The following ATXN7 variants were observed in gnomAD, a reference collection of about 807,000 sequenced individuals.
The protein encoded by ATXN7 is ataxin 7.
ATXN7 carries 12 observed loss-of-function variants against 70.5 expected under a neutral mutation model. The observed-to-expected ratio is 0.17, with a 90% CI of 0.11 to 0.28. ATXN7 has a LOEUF of 0.28. Ranked by LOEUF, ATXN7 falls within the 10% of genes least tolerant of loss-of-function variation. ATXN7 has a pLI of 1.00. For synonymous variants in ATXN7, 498 were observed against 448.7 expected (o/e 1.11, Z -1.39); for missense variants, 1,256 against 1,131.7 (o/e 1.11, Z -1.58).
At chr3:63,997,552 A>G (rs906042707) in intron 12 of ATXN7, 1 of 1,333,918 alleles carries the variant, frequency 7.5e-7, no homozygotes, top group Admixed American at 2.0e-5. Context: ...CCTCACCTGT[A>G]GCTGTTTCTT....
At chr3:63,963,534 A>G (rs1043747686) in intron 5 of ATXN7, among the ~76,000 whole-genome samples, 3 of 152,150 alleles carry the variant, frequency 2.0e-5, no homozygotes, top group Admixed American at 6.5e-5. Flanking sequence ...TCATGCTTCT[A>G]ACTCTATCCA....
chr3:63,945,594 T>C (rs1270479758), intron 4 of ATXN7, among the ~76,000 whole-genome samples: 1 of 152,222 alleles, frequency 6.6e-6, no homozygotes, highest in Non-Finnish European at 1.5e-5. Flanking sequence ...TTTCAATTAT[T>C]ATTCATCAAG....
At chr3:63,943,074 G>T (rs1022825327) in intron 4 of ATXN7, among the ~76,000 whole-genome samples, 2 of 152,214 alleles carry the variant, frequency 1.3e-5, no homozygotes, top group African/African-American at 4.8e-5. Flanking sequence ...ATAACTGAGT[G>T]ACAAGAGAGA....
chr3:63,961,267 T>A (rs914759670), intron 5 of ATXN7, among the ~76,000 whole-genome samples: 1 of 152,238 alleles, frequency 6.6e-6, no homozygotes, highest in Non-Finnish European at 1.5e-5. Flanking sequence ...TTCATGTTAA[T>A]ACATATTGTT....
At chr3:63,931,070 G>T (rs1704935019) in intron 4 of ATXN7, among the ~76,000 whole-genome samples, 1 of 152,088 alleles carries the variant, frequency 6.6e-6, no homozygotes, top group South Asian at 2.1e-4. Flanking sequence ...GACCCTTAAC[G>T]CTGGAGTTAA....
rs2075816260 is a variant in ATXN7 at position 63,999,891 on chromosome 3, A to G, written c.*424A>G. Reference sequence around the variant, plus strand: ...TTCCTTTTACTACCATTTTTTTTTAACACTGTCATCTGTAGGTCACTCTCC... The same window carrying G: ...TTCCTTTTACTACCATTTTTTTTTAGCACTGTCATCTGTAGGTCACTCTCC... On this transcript the variant is annotated 3_prime_UTR_variant, in exon 13 of 13. Coordinates refer to ENST00000674280, the MANE Select transcript of ATXN7 (RefSeq NM_001377405.1). 8.1e-6 allele frequency: 2 copies of G among 246,852 alleles called. No homozygotes were observed. Among genetic ancestry groups the G allele is most frequent in the Non-Finnish European group, 1.6e-5 (2 of 124,780 alleles). 15.3% of individuals were successfully genotyped at this position (246,852 alleles called of 1,614,324 possible). A position where few individuals can be genotyped will look rare whatever the true frequency, so the allele number is the denominator to read the frequency against.
In ATXN7 at chr3:63,913,109, G is replaced by C. The variant is rs551514094; in HGVS notation, c.326-48G>C. On this transcript the variant is annotated intron_variant, in intron 3 of 12. Transcript: ENST00000674280. ...GTGCGTGAGTGTGCGTCACACTCCT[G>C]GCCACTGACCTGCCTCTCCCCTCCT... 6.8e-5 allele frequency: 108 copies of C among 1,587,286 alleles called. No homozygotes were observed. The Admixed American group carries it at 1.3e-3, about 19-fold the overall frequency.
intron 9 of ATXN7, 100 bp from the exon 10 acceptor site, chr3:63,990,076 G>C: frequency 8.7e-7 from 1 of 1,151,124 alleles, no homozygotes; most frequent in Non-Finnish European, 1.2e-6. Context: ...TGGAACCCAG[G>C]CCTCTGCTAG....
intron 4 of ATXN7, among the ~76,000 whole-genome samples, chr3:63,914,857 T>C (rs1207135964): frequency 6.6e-6 from 1 of 152,224 alleles, no homozygotes; most frequent in African/African-American, 2.4e-5. Context: ...ATGTTTTTCA[T>C]GAAGAACTAA....
intron 4 of ATXN7, among the ~76,000 whole-genome samples, chr3:63,943,906 TCCTTA>T (rs1268387577): frequency 1.2e-4 from 18 of 152,196 alleles, no homozygotes; most frequent in African/African-American, 4.3e-4. Flanking sequence ...GGAGCTGCCT[TCCTTA>T]CCTAGGTCAA....
chr3:63,941,645 A>G (rs1288987093), intron 4 of ATXN7, among the ~76,000 whole-genome samples: 2 of 151,786 alleles, frequency 1.3e-5, no homozygotes, highest in Non-Finnish European at 2.9e-5. Context: ...CTTTAAATCT[A>G]GTATTTATTG....
chr3:63,998,041 C>T (rs749475890), intron 12 of ATXN7: 31 of 985,144 alleles, frequency 3.1e-5, no homozygotes, highest in Non-Finnish European at 3.5e-5. Flanking sequence ...CATGGTGTGC[C>T]GATTCTTCAA....
intron 3 of ATXN7, 23 bp downstream of exon 3, chr3:63,912,946 C>T (rs754714055): frequency 2.5e-6 from 4 of 1,588,464 alleles, no homozygotes; most frequent in Non-Finnish European, 2.6e-6. Context: ...GCCCTCCTCC[C>T]CCCTTCACCC....
At chr3:63,873,013 GAGGA>G (rs1466265471) in intron 1 of ATXN7, among the ~76,000 whole-genome samples, 22 of 152,200 alleles carry the variant, frequency 1.4e-4, no homozygotes, top group Admixed American at 1.2e-3. Flanking sequence ...GGGAGGGAGA[GAGGA>G]AGGGTGGGAA....
chr3:63,965,139 AGTTTTTCTGTT>A (rs1178994126), intron 5 of ATXN7, among the ~76,000 whole-genome samples: 1 of 152,158 alleles, frequency 6.6e-6, no homozygotes, highest in Admixed American at 6.5e-5. Context: ...TAGAAACCTC[AGTTTTTCTGTT>A]TCTGTTTAAC....
chr3:63,887,183 A>G (rs1024369182), intron 1 of ATXN7, among the ~76,000 whole-genome samples: 3 of 152,196 alleles, frequency 2.0e-5, no homozygotes, highest in Non-Finnish European at 4.4e-5. Flanking sequence ...GATACAGGGA[A>G]TCAGGGGGCA....
Position 63,872,398 on chromosome 3 carries a change from C to T in ATXN7, c.-111+8240C>T, listed in dbSNP as rs1346454211. Among the ~76,000 whole-genome samples, 3 of 152,164 alleles carry T rather than the reference C, an allele frequency of 2.0e-5. 1 individual carries two copies. The highest frequency in any genetic ancestry group is 2.9e-5 in the Non-Finnish European group (2 of 68,036). ...AGGTCACTAATGTGGCTGCAGTCCT[C>T]TTAAGTCTTGAGTCAGAACTAGTTA... is the stretch of plus-strand genomic sequence containing the variant. On this transcript the variant is annotated intron_variant, in intron 1 of 12. Coordinates refer to ENST00000674280, the MANE Select transcript of ATXN7 (RefSeq NM_001377405.1).
At chr3:63,959,012 T>C (rs1575951910) in intron 5 of ATXN7, among the ~76,000 whole-genome samples, 1 of 152,234 alleles carries the variant, frequency 6.6e-6, no homozygotes, top group Non-Finnish European at 1.5e-5. Context: ...TTAAGTTTGC[T>C]TCAAGAAGCT....
chr3:63,885,887 T>G (rs1559620145), intron 1 of ATXN7, among the ~76,000 whole-genome samples: 1 of 152,106 alleles, frequency 6.6e-6, no homozygotes, highest in Non-Finnish European at 1.5e-5. Context: ...CATGGTAGCA[T>G]GCACCTGTAG....
Sources: gnomAD v4.1 joint callset for allele counts (sites outside exome capture counted in the v4.1 genomes callset) on GRCh38, gnomAD v4.1.1 for gene constraint, MANE v1.5 for transcripts, NCBI Gene and HGNC (gene_info 2026-07-23, HGNC 2026-07-21) for gene names.